CNKSR2: variants seen among roughly 807,000 people sequenced by gnomAD.
CNKSR2 encodes CNK homolog protein 2.
CNKSR2 carries 14 observed loss-of-function variants against 84.4 expected under a neutral mutation model. The ratio of observed to expected loss-of-function variants is 0.17; its 90% confidence interval spans 0.11 to 0.26. The LOEUF (loss-of-function observed/expected upper bound fraction) is 0.26, where lower values mean the gene tolerates loss of function less well. Ranked by LOEUF, CNKSR2 falls within the 10% of genes least tolerant of loss-of-function variation. The pLI is 1.00. For synonymous variants in CNKSR2, 275 were observed against 277.9 expected (o/e 0.99, Z 0.10); for missense variants, 485 against 771.2 (o/e 0.63, Z 4.40).
At position 21,594,881 on chromosome X, in the gene CNKSR2, T is replaced by A. The variant is rs780687534; in HGVS notation, c.1831-93T>A. 32 of 610,722 alleles carry A rather than the reference T, an allele frequency of 5.2e-5. No individual in the cohort carries two copies. In the South Asian group the frequency reaches 9.1e-4, roughly 17 times the overall value. 50.3% of individuals were successfully genotyped at this position (610,722 alleles called of 1,213,427 possible). On this transcript the variant is annotated intron_variant, in intron 15 of 21. Transcript: ENST00000379510. ...AATTTAAGGAATTAAAGGAACGGAT[T>A]TATTAGTACAGATATCTAAGCCATA...
chrX:21,375,662 A>C (rs1219732607), intron 1 of CNKSR2, among the ~76,000 whole-genome samples: 1 of 112,300 alleles, frequency 8.9e-6, no homozygotes, highest in Non-Finnish European at 1.9e-5. Context: ...CTTTCAAGCC[A>C]GTCGAGGTTT....
intron 20 of CNKSR2, chrX:21,642,162 A>G: frequency 1.3e-6 from 1 of 748,523 alleles, no homozygotes; most frequent in South Asian, 6.8e-5. Context: ...CAAGGTATAC[A>G]CAATTTGCTT....
At chrX:21,547,157 C>T (rs1271859230) in intron 11 of CNKSR2, among the ~76,000 whole-genome samples, 2 of 111,056 alleles carry the variant, frequency 1.8e-5, no homozygotes, top group East Asian at 2.8e-4. Flanking sequence ...AGTCAAGACC[C>T]GTCAGTGTAG....
chrX:21,578,933 T>C (rs944106969), intron 13 of CNKSR2, among the ~76,000 whole-genome samples: 3 of 111,465 alleles, frequency 2.7e-5, no homozygotes, highest in Non-Finnish European at 5.7e-5. Flanking sequence ...AACCAGAGCA[T>C]TTCCTCCAAC....
chrX:21,610,141 G>A (rs978691762), intron 20 of CNKSR2, among the ~76,000 whole-genome samples: 4 of 112,306 alleles, frequency 3.6e-5, no homozygotes, highest in East Asian at 2.8e-4. Flanking sequence ...TTTCCAAGGA[G>A]AGATTTCACA....
chrX:21,479,619 G>A (rs942379641), intron 5 of CNKSR2, among the ~76,000 whole-genome samples: 3 of 110,631 alleles, frequency 2.7e-5, no homozygotes, highest in African/African-American at 6.6e-5. Flanking sequence ...GGTAAAGAGC[G>A]CCCTAAACCA....
At chrX:21,448,744 A>G (rs753430447) in intron 4 of CNKSR2, among the ~76,000 whole-genome samples, 105 of 111,697 alleles carry the variant, frequency 9.4e-4, no homozygotes, top group South Asian at 2.3e-3. Context: ...ATACTTTTGC[A>G]CCAACCTAAT....
chrX:21,603,491 G>A (rs1210441288), intron 18 of CNKSR2, among the ~76,000 whole-genome samples: 1 of 112,453 alleles, frequency 8.9e-6, no homozygotes, highest in Non-Finnish European at 1.9e-5. Context: ...ACAATGGAGG[G>A]ACATAGCTGC....
intron 20 of CNKSR2, among the ~76,000 whole-genome samples, chrX:21,648,018 G>A (rs1163513335): frequency 9.0e-6 from 1 of 111,484 alleles, no homozygotes; most frequent in Non-Finnish European, 1.9e-5. Context: ...GTTCAGCTAT[G>A]TCTAAGACCC....
At chrX:21,535,259 A>G (rs888674141) in intron 11 of CNKSR2, among the ~76,000 whole-genome samples, 35 of 111,707 alleles carry the variant, frequency 3.1e-4, no homozygotes, top group Admixed American at 2.8e-3. Flanking sequence ...TACCAGTGCA[A>G]TGCTGATTTG....
At chrX:21,570,462 T>C (rs1389271990) in intron 13 of CNKSR2, among the ~76,000 whole-genome samples, 1 of 109,882 alleles carries the variant, frequency 9.1e-6, no homozygotes, top group Admixed American at 9.6e-5. Context: ...AGGCTTTGGT[T>C]TAAGGGAATG....
At chrX:21,625,936 T>C (rs147295921) in intron 20 of CNKSR2, among the ~76,000 whole-genome samples, 169 of 112,000 alleles carry the variant, frequency 1.5e-3, no homozygotes, top group African/African-American at 4.8e-3. Context: ...TTAATTCAAA[T>C]AATATTTATG....
chrX:21,497,055 A>G (rs1264415427), intron 6 of CNKSR2, among the ~76,000 whole-genome samples: 2 of 110,864 alleles, frequency 1.8e-5, no homozygotes, highest in African/African-American at 6.5e-5. Context: ...TAAAGTTTCC[A>G]CTTGCTCTTA....
At chrX:21,413,770 G>A (rs1192765214) in intron 1 of CNKSR2, among the ~76,000 whole-genome samples, 5 of 110,600 alleles carry the variant, frequency 4.5e-5, no homozygotes, top group Non-Finnish European at 9.5e-5. Flanking sequence ...CCATGTCGTT[G>A]CAAATGACAG....
At chrX:21,391,281 C>G (rs974978328) in intron 1 of CNKSR2, among the ~76,000 whole-genome samples, 1 of 112,576 alleles carries the variant, frequency 8.9e-6, no homozygotes, top group African/African-American at 3.2e-5. Context: ...CCCCACATTT[C>G]CCCCCCACAT....
rs192160364 is a variant in CNKSR2, at chrX:21,461,303, A to G, written c.520-9463A>G. On this transcript the variant is annotated intron_variant, in intron 4 of 21. Transcript: ENST00000379510. Reference sequence around the variant, plus strand: ...GATCAATGATGTTGAATACCTTTGCATATGCCTGATGGCCATTTGTATGTC... The same window carrying G: ...GATCAATGATGTTGAATACCTTTGCGTATGCCTGATGGCCATTTGTATGTC... Among the ~76,000 whole-genome samples, 176 of 112,501 alleles carry G rather than the reference A, an allele frequency of 1.6e-3. 1 individual carries two copies. The highest frequency in any genetic ancestry group is 4.6e-3 in the Middle Eastern group (1 of 218).
chrX:21,493,639 A>C (rs1243296178), intron 6 of CNKSR2: 5 of 112,041 alleles, frequency 4.5e-5, no homozygotes, highest in Non-Finnish European at 1.9e-5. Flanking sequence ...GAGTCATTTG[A>C]ATTACATGTC....
intron 21 of CNKSR2, among the ~76,000 whole-genome samples, chrX:21,649,701 A>G (rs1161176337): frequency 2.7e-5 from 3 of 111,611 alleles, no homozygotes; most frequent in Non-Finnish European, 3.8e-5. Flanking sequence ...AGCCCTGCTC[A>G]CTGTGTGTGG....
chrX:21,528,154 T>C (rs1344798901), intron 10 of CNKSR2, among the ~76,000 whole-genome samples: 2 of 111,295 alleles, frequency 1.8e-5, no homozygotes, highest in Non-Finnish European at 3.8e-5. Context: ...TACAGTCTTG[T>C]GTTCAATTTA....
Sources: gnomAD v4.1 joint callset for allele counts (sites outside exome capture counted in the v4.1 genomes callset) on GRCh38, gnomAD v4.1.1 for gene constraint, MANE v1.5 for transcripts, NCBI Gene and HGNC (gene_info 2026-07-23, HGNC 2026-07-21) for gene names.